The following CCDC170 variants were observed in gnomAD, a reference collection of about 807,000 sequenced individuals.
CCDC170 encodes coiled-coil domain containing 170, also known as coiled-coil domain-containing protein 170.
In CCDC170, 69 loss-of-function variants were observed where a neutral mutation model predicts 72.6. The ratio of observed to expected loss-of-function variants is 0.95; its 90% confidence interval spans 0.78 to 1.16. The LOEUF is 1.16. CCDC170 is among the 50% of genes most tolerant of loss of function. The pLI, the probability that CCDC170 is intolerant of heterozygous loss-of-function variation, is 0.00. For synonymous variants in CCDC170, 300 were observed against 303.9 expected, an observed-to-expected ratio of 0.99 and a Z score of 0.13; for missense variants, 852 against 832.5, an observed-to-expected ratio of 1.02 and a Z score of -0.29.
intron 1 of CCDC170, among the ~76,000 whole-genome samples, chr6:151,495,431 T>C (rs13211531): frequency 3.9e-5 from 6 of 152,118 alleles, no homozygotes; most frequent in Non-Finnish European, 8.8e-5. Flanking sequence ...GAGAGTAAAT[T>C]ACAGCCATCA....
intron 9 of CCDC170, among the ~76,000 whole-genome samples, chr6:151,597,420 G>A (rs187703045): frequency 3.9e-5 from 6 of 152,248 alleles, no homozygotes; most frequent in African/African-American, 1.2e-4. Flanking sequence ...GAGCCACTGC[G>A]CCTGGCCAAA....
intron 3 of CCDC170, among the ~76,000 whole-genome samples, chr6:151,539,903 C>T (rs775974734): frequency 2.6e-5 from 4 of 152,160 alleles, no homozygotes; most frequent in Non-Finnish European, 5.9e-5. Context: ...ACTTGGTTCT[C>T]TTTCTCTTTC....
intron 6 of CCDC170, among the ~76,000 whole-genome samples, chr6:151,575,431 CA>C (rs537055596): frequency 0.21 from 19,360 of 91,660 alleles, 1,583 homozygotes; most frequent in African/African-American, 0.33. Context: ...AGACTCTGTC[CA>C]AAAAAAAAAA....
chr6:151,603,792 A>G (rs1458601290), intron 9 of CCDC170, among the ~76,000 whole-genome samples: 1 of 152,138 alleles, frequency 6.6e-6, no homozygotes, highest in Non-Finnish European at 1.5e-5. Flanking sequence ...GCTTCACTCT[A>G]GTCATCAGGA....
At chr6:151,604,413 A>G (rs1279402734) in intron 9 of CCDC170, among the ~76,000 whole-genome samples, 1 of 152,106 alleles carries the variant, frequency 6.6e-6, no homozygotes, top group Admixed American at 6.5e-5. Flanking sequence ...ATGGTGAAGG[A>G]GTGGAGGGGT....
At chr6:151,577,329 A>T (rs980624844) in intron 6 of CCDC170, among the ~76,000 whole-genome samples, 9 of 152,136 alleles carry the variant, frequency 5.9e-5, no homozygotes, top group Non-Finnish European at 1.0e-4. Context: ...CCCCCAGTTG[A>T]AAACCACTGT....
At position 151,618,261 on chromosome 6, in the gene CCDC170, A is replaced by G. The variant is rs1293334859; in HGVS notation, c.*114A>G. 6 of 945,914 alleles carry G rather than the reference A, an allele frequency of 6.3e-6. No individual in the cohort carries two copies. In the East Asian group the frequency reaches 1.3e-4, roughly 20 times the overall value. 58.6% of individuals were successfully genotyped at this position (945,914 alleles called of 1,614,324 possible). On this transcript the variant is annotated 3_prime_UTR_variant, in exon 11 of 11. Coordinates refer to ENST00000239374, the MANE Select transcript of CCDC170 (RefSeq NM_025059.4). ...TTTGTGAATATTTTATGCTTTGATG[A>G]TATAGTGAGAATGCATCACTTGCAA...
chr6:151,607,497 G>A (rs1776803623), intron 9 of CCDC170, among the ~76,000 whole-genome samples: 1 of 152,004 alleles, frequency 6.6e-6, no homozygotes, highest in Non-Finnish European at 1.5e-5. Flanking sequence ...TTTCATTCTG[G>A]TAAATATCTT....
chr6:151,562,488 G>A (rs1005151128), intron 5 of CCDC170, among the ~76,000 whole-genome samples: 5 of 152,198 alleles, frequency 3.3e-5, no homozygotes, highest in African/African-American at 1.2e-4. Flanking sequence ...TGCTGTATAT[G>A]TTCCTTGGTT....
At chr6:151,502,534 G>A (rs1363073363) in intron 1 of CCDC170, among the ~76,000 whole-genome samples, 2 of 152,228 alleles carry the variant, frequency 1.3e-5, no homozygotes, top group Non-Finnish European at 2.9e-5. Flanking sequence ...TGTGCAAGAA[G>A]GAACAATTTT....
At chr6:151,534,568 A>G (rs1042237717) in intron 1 of CCDC170, among the ~76,000 whole-genome samples, 1 of 152,156 alleles carries the variant, frequency 6.6e-6, no homozygotes, top group Admixed American at 6.5e-5. Context: ...CCCTCCGACT[A>G]TTGAATGAGT....
At chr6:151,601,662 TA>T (rs1776712185) in intron 9 of CCDC170, among the ~76,000 whole-genome samples, 2 of 152,296 alleles carry the variant, frequency 1.3e-5, no homozygotes, top group African/African-American at 4.8e-5. Context: ...TTATGGAGAC[TA>T]GCAGGATGGG....
chr6:151,615,653 G>A lies in CCDC170; in HGVS notation c.1921G>A (p.Glu641Lys). The A allele has an allele frequency of 6.2e-7, 1 of 1,613,766 alleles. No homozygotes were observed. Among genetic ancestry groups the A allele is most frequent in the Non-Finnish European group, 8.5e-7 (1 of 1,179,828 alleles). ...SEMKTLKKSLEEAEKREKQLA... is the reference protein window; with the variant it reads ...SEMKTLKKSLKEAEKREKQLA... ...AATGAAGACACTAAAAAAATCTCTG[G>A]AAGAAGCAGAAAAGAGAGAAAAGCA... is the stretch of plus-strand genomic sequence containing the variant. The change falls in exon 10 of 11, where the codon GAA (glutamate) becomes AAA (lysine). Residue 641 changes from glutamate to lysine, a missense_variant. Glu to Lys is a moderately conservative substitution (Grantham distance 56, BLOSUM62 1). Transcript: ENST00000239374.
At chr6:151,615,164 A>G (rs1038365402) in intron 9 of CCDC170, among the ~76,000 whole-genome samples, 1 of 152,190 alleles carries the variant, frequency 6.6e-6, no homozygotes, top group Non-Finnish European at 1.5e-5. Context: ...CAGCAGGCTT[A>G]ATTTTAAAAT....
chr6:151,554,872 G>GATTT lies in CCDC170; in HGVS notation c.774+6383_774+6384insATTT, dbSNP rs1256155008. On this transcript the variant is annotated intron_variant, in intron 5 of 10. Coordinates refer to ENST00000239374, the MANE Select transcript of CCDC170 (RefSeq NM_025059.4). ...CGTAGCTTGATCTTTTTGGACCTCA[G>GATTT]TTTTTTTTTTTTTTTTTTTTTTGTG... Among the ~76,000 whole-genome samples the GATTT allele has an allele frequency of 3.7e-4, 38 of 102,322 alleles. 1 individual carries two copies. Among genetic ancestry groups the GATTT allele is most frequent in the African/African-American group, 1.4e-3 (37 of 26,844 alleles). 67.1% of individuals were successfully genotyped at this position (102,322 alleles called of 152,430 possible).
Position 151,559,272 on chromosome 6 carries a change from A to C in CCDC170, c.774+10783A>C, listed in dbSNP as rs1783038694. Among the ~76,000 whole-genome samples the C allele has an allele frequency of 2.0e-5, 3 of 152,128 alleles. No individual in the cohort carries two copies. The South Asian group carries it at 6.2e-4, about 31-fold the overall frequency. ...AGTGATCCACCTGCCCTGACCTCCC[A>C]AAGTGCTGAGATTACAGGCATAAGC... On this transcript the variant is annotated intron_variant, in intron 5 of 10. Coordinates refer to ENST00000239374, the MANE Select transcript of CCDC170 (RefSeq NM_025059.4).
At chr6:151,555,949 A>T (rs1371802803) in intron 5 of CCDC170, among the ~76,000 whole-genome samples, 1 of 152,244 alleles carries the variant, frequency 6.6e-6, no homozygotes, top group Non-Finnish European at 1.5e-5. Context: ...CCCATATTAT[A>T]CAAAATTAAA....
chr6:151,564,282 T>C (rs1776092576), intron 5 of CCDC170, among the ~76,000 whole-genome samples: 1 of 152,178 alleles, frequency 6.6e-6, no homozygotes, highest in Non-Finnish European at 1.5e-5. Flanking sequence ...AATAGTGTCA[T>C]TGGTGTCCAT....
At chr6:151,556,462 A>G (rs1782977257) in intron 5 of CCDC170, among the ~76,000 whole-genome samples, 1 of 152,246 alleles carries the variant, frequency 6.6e-6, no homozygotes, top group South Asian at 2.1e-4. Flanking sequence ...CTCAAAACAA[A>G]ATCAAACAAA....
Sources: allele counts gnomAD v4.1 joint callset (sites outside exome capture counted in the v4.1 genomes callset), GRCh38; gene constraint gnomAD v4.1.1; transcripts MANE v1.5; gene names NCBI Gene and HGNC (gene_info 2026-07-23, HGNC 2026-07-21).